Variants in SETBP1 observed in about 807,000 individuals in gnomAD.
SETBP1 encodes SET binding protein 1, also known as SET-binding protein.
Under a neutral mutation model 101.0 loss-of-function variants are expected in SETBP1, and 9 were observed. That is an observed-to-expected ratio of 0.09 (90% CI 0.05 to 0.16). The LOEUF is 0.16. Ranked by LOEUF, SETBP1 falls within the 10% of genes least tolerant of loss-of-function variation. SETBP1 has a pLI of 1.00. For missense variants in SETBP1, 1,858 were observed against 2,033.8 expected, an observed-to-expected ratio of 0.91 and a Z score of 1.66; for synonymous variants, 818 against 788.5, an observed-to-expected ratio of 1.04 and a Z score of -0.63.
At chr18:44,702,848 C>G (rs535224127) in intron 2 of SETBP1, among the ~76,000 whole-genome samples, 10 of 152,290 alleles carry the variant, frequency 6.6e-5, no homozygotes, top group African/African-American at 2.2e-4. Flanking sequence ...AGTGATTGGC[C>G]TGAATCTCTG....
chr18:45,061,758 CTCTCTTAAGATATTTATTCTGCT>C (rs2073893846), intron 5 of SETBP1, among the ~76,000 whole-genome samples: 1 of 152,208 alleles, frequency 6.6e-6, no homozygotes, highest in Non-Finnish European at 1.5e-5. Context: ...TTTTCCTCCT[CTCTCTTAAGATATTTATTCTGCT>C]TCTCTATTAG....
chr18:44,948,548 A>G (rs1473413732), intron 3 of SETBP1, among the ~76,000 whole-genome samples: 6 of 92,240 alleles, frequency 6.5e-5, no homozygotes, highest in African/African-American at 1.2e-4. Flanking sequence ...AGATATTACC[A>G]GCTAAAATTT....
At chr18:44,700,917 G>A (rs1489873452) in intron 1 of SETBP1, among the ~76,000 whole-genome samples, 2 of 152,162 alleles carry the variant, frequency 1.3e-5, no homozygotes, top group Non-Finnish European at 2.9e-5. Flanking sequence ...TGGAGAACTC[G>A]CACCTCTTAT....
chr18:44,840,028 T>C (rs951918909), intron 2 of SETBP1, among the ~76,000 whole-genome samples: 3 of 152,220 alleles, frequency 2.0e-5, no homozygotes, highest in South Asian at 2.1e-4. Flanking sequence ...ATTTGACTTA[T>C]GCATTTAGTG....
intron 4 of SETBP1, among the ~76,000 whole-genome samples, chr18:45,010,845 G>C (rs895672570): frequency 3.9e-5 from 6 of 152,216 alleles, no homozygotes; most frequent in Admixed American, 1.3e-4. Flanking sequence ...GGCTTAAGGG[G>C]ATTAAGTAAT....
In SETBP1 at chr18:45,067,825, C is replaced by T. The variant is rs1386457820; in HGVS notation, c.*4127C>T. On this transcript the variant is annotated 3_prime_UTR_variant, in exon 6 of 6. Coordinates refer to ENST00000649279, the MANE Select transcript of SETBP1 (RefSeq NM_015559.3). ...ACATATCAACCAAGGAAGAAACTTC[C>T]TGGATATCTATTGCCCACTTGCCCA... The T allele has an allele frequency of 6.6e-6, 1 of 152,128 alleles. No individual in the cohort carries two copies. The highest frequency in any genetic ancestry group is 1.5e-5 in the Non-Finnish European group (1 of 68,034). The allele number at this position is 152,128 out of a possible 1,614,324, so 9.4% of individuals were successfully genotyped here.
chr18:44,926,924 AGT>A (rs1231432714), intron 3 of SETBP1, among the ~76,000 whole-genome samples: 11 of 152,140 alleles, frequency 7.2e-5, no homozygotes. Context: ...GATTCAGCAA[AGT>A]GTATGGGCTT....
intron 2 of SETBP1, among the ~76,000 whole-genome samples, chr18:44,820,414 C>T (rs1017931105): frequency 2.6e-5 from 4 of 152,188 alleles, no homozygotes; most frequent in Admixed American, 6.5e-5. Context: ...AGATCTAGCA[C>T]CTGCTGGTCC....
chr18:44,768,448 G>A (rs923326906), intron 2 of SETBP1, among the ~76,000 whole-genome samples: 1 of 152,084 alleles, frequency 6.6e-6, no homozygotes, highest in Non-Finnish European at 1.5e-5. Context: ...CTTAGGATAA[G>A]GTGTAAATGT....
At chr18:44,896,717 C>T (rs1483606307) in intron 3 of SETBP1, among the ~76,000 whole-genome samples, 1 of 152,090 alleles carries the variant, frequency 6.6e-6, no homozygotes, top group East Asian at 1.9e-4. Context: ...CTCGGCCTCC[C>T]AAAGTGCTGG....
At chr18:44,828,252 G>A (rs1229390116) in intron 2 of SETBP1, among the ~76,000 whole-genome samples, 1 of 152,126 alleles carries the variant, frequency 6.6e-6, no homozygotes, top group African/African-American at 2.4e-5. Flanking sequence ...CTCCAGTTAG[G>A]AAGTTCCGTT....
intron 4 of SETBP1, among the ~76,000 whole-genome samples, chr18:45,036,354 A>G (rs1038501941): frequency 6.6e-6 from 1 of 151,204 alleles, no homozygotes; most frequent in Non-Finnish European, 1.5e-5. Context: ...AAAAAAGGCT[A>G]AGAAGTAAAA....
At chr18:44,852,106 G>A (rs2072880020) in intron 2 of SETBP1, among the ~76,000 whole-genome samples, 1 of 152,234 alleles carries the variant, frequency 6.6e-6, no homozygotes, top group Non-Finnish European at 1.5e-5. Flanking sequence ...TGGGACAGCA[G>A]CTGCACAGAG....
At chr18:44,783,444 A>C (rs1347154066) in intron 2 of SETBP1, among the ~76,000 whole-genome samples, 1 of 152,226 alleles carries the variant, frequency 6.6e-6, no homozygotes, top group African/African-American at 2.4e-5. Flanking sequence ...GGCAGATTTC[A>C]TAAATCATCA....
At position 44,951,751 on chromosome 18, in the gene SETBP1, C is replaced by T; in HGVS notation, c.2411C>T (p.Thr804Ile). The T allele has an allele frequency of 6.2e-7, 1 of 1,614,160 alleles. No homozygotes were observed. The highest frequency in any genetic ancestry group is 8.5e-7 in the Non-Finnish European group (1 of 1,180,038). The change falls in exon 4 of 6, where the codon ACT (threonine) becomes ATT (isoleucine). Residue 804 changes from threonine to isoleucine, a missense_variant. Physicochemically the swap from Thr to Ile is moderately conservative, Grantham distance 89. Coordinates refer to ENST00000649279, the MANE Select transcript of SETBP1 (RefSeq NM_015559.3). This position sits in a 1 kb window ranked among gnomAD's most constrained non-coding sequence, Gnocchi z 7.8. ...STETNFSELKTMPNLQPISAL... is the reference protein window; with the variant it reads ...STETNFSELKIMPNLQPISAL... ...GAAACCAATTTTTCAGAGTTGAAAA[C>T]TATGCCAAATCTCCAGCCCATCAGT...
At chr18:44,850,133 A>G in intron 2 of SETBP1, among the ~76,000 whole-genome samples, 1 of 152,206 alleles carries the variant, frequency 6.6e-6, no homozygotes, top group South Asian at 2.1e-4. Flanking sequence ...ATGTTTCTTT[A>G]GCACTAAATC....
At chr18:44,682,264 G>A (rs1052141804) in intron 1 of SETBP1, among the ~76,000 whole-genome samples, 1 of 152,188 alleles carries the variant, frequency 6.6e-6, no homozygotes, top group African/African-American at 2.4e-5. Context: ...GGAGAAAGGG[G>A]ATGGGGTAGA....
At chr18:45,006,099 A>G (rs899128494) in intron 4 of SETBP1, among the ~76,000 whole-genome samples, 2 of 151,416 alleles carry the variant, frequency 1.3e-5, no homozygotes, top group African/African-American at 4.8e-5. Flanking sequence ...GACTACAGGC[A>G]TGCACCACCA....
Position 44,750,849 on chromosome 18 carries a change from G to A in SETBP1, c.486+49017G>A, listed in dbSNP as rs374386144. Among the ~76,000 whole-genome samples, 59 of 152,340 alleles carry A rather than the reference G, an allele frequency of 3.9e-4. 1 individual carries two copies. The highest frequency in any genetic ancestry group is 1.3e-3 in the African/African-American group (55 of 41,572). ...CAAAACTAGCTAAGATGCAAAGTGTGTAGGGTACTGACAGTCTGTGTTATA... is the reference window on the plus strand; with the variant it reads ...CAAAACTAGCTAAGATGCAAAGTGTATAGGGTACTGACAGTCTGTGTTATA... On this transcript the variant is annotated intron_variant, in intron 2 of 5. Coordinates refer to ENST00000649279, the MANE Select transcript of SETBP1 (RefSeq NM_015559.3).
Sources: gnomAD v4.1 joint callset for allele counts (sites outside exome capture counted in the v4.1 genomes callset) on GRCh38, gnomAD v4.1.1 for gene constraint, Gnocchi (gnomAD v3.1) non-coding constraint, MANE v1.5 for transcripts, NCBI Gene and HGNC (gene_info 2026-07-23, HGNC 2026-07-21) for gene names.